SLC25A43: variants seen among roughly 807,000 people sequenced by gnomAD.
SLC25A43 encodes solute carrier family 25 member 43, also known as solute carrier family 25, member 43.
A neutral mutation model predicts 22.8 loss-of-function variants in SLC25A43; 10 were observed. That is an observed-to-expected ratio of 0.44 (90% CI 0.27 to 0.74). SLC25A43 has a LOEUF of 0.74. Ranked by LOEUF, SLC25A43 falls within the 30% of genes least tolerant of loss-of-function variation. The pLI is 0.17. For synonymous variants in SLC25A43, 106 were observed against 121.6 expected, an observed-to-expected ratio of 0.87 and a Z score of 0.84; for missense variants, 233 against 279.1, an observed-to-expected ratio of 0.83 and a Z score of 1.18.
intron 3 of SLC25A43, among the ~76,000 whole-genome samples, chrX:119,414,843 G>C (rs2052385690): frequency 9.2e-6 from 1 of 108,194 alleles, no homozygotes; most frequent in African/African-American, 3.4e-5. Flanking sequence ...GACTTCCCAG[G>C]CTCAGGTGAT....
At position 119,405,595 on chromosome X, in the gene SLC25A43, C is replaced by CAAAAAA. The variant is rs56389948; in HGVS notation, c.276-844_276-839dup. On this transcript the variant is annotated intron_variant, in intron 1 of 4. Transcript: ENST00000217909. Reference sequence around the variant, plus strand: ...CCAACATGGCGAAACCCTATCTCTACAAAAAAAAAAAAAAAAAAAAAAAAA... The same window carrying CAAAAAA: ...CCAACATGGCGAAACCCTATCTCTACAAAAAAAAAAAAAAAAAAAAAAAAAAAAAAA... Among the ~76,000 whole-genome samples the CAAAAAA allele has an allele frequency of 3.1e-4, 16 of 51,164 alleles. 1 individual carries two copies. Among genetic ancestry groups the CAAAAAA allele is most frequent in the Non-Finnish European group, 4.0e-4 (12 of 29,636 alleles). The allele number at this position is 51,164 out of a possible 115,157, so 44.4% of individuals were successfully genotyped here.
intron 3 of SLC25A43, among the ~76,000 whole-genome samples, chrX:119,434,244 G>A (rs2052578725): frequency 9.1e-6 from 1 of 110,149 alleles, no homozygotes; most frequent in African/African-American, 3.3e-5. Context: ...CTGACATGAG[G>A]AAAACTAGAG....
chrX:119,451,808 C>G, intron 3 of SLC25A43: 1 of 1,042,028 alleles, frequency 9.6e-7, no homozygotes, highest in Non-Finnish European at 1.2e-6. Context: ...AATATATGGA[C>G]AGGGTATCAT....
chrX:119,447,263 CTT>C (rs2052675642), intron 3 of SLC25A43, among the ~76,000 whole-genome samples: 1 of 110,892 alleles, frequency 9.0e-6, no homozygotes, highest in African/African-American at 3.3e-5. Flanking sequence ...CCGATTCTCT[CTT>C]GAGTCCATTC....
intron 3 of SLC25A43, among the ~76,000 whole-genome samples, chrX:119,414,276 T>C (rs979044016): frequency 8.9e-6 from 1 of 112,718 alleles, no homozygotes; most frequent in Non-Finnish European, 1.9e-5. Context: ...TTCTATTCAT[T>C]GGTAAGAAGT....
At chrX:119,399,996 A>C (rs1184472542) in intron 1 of SLC25A43, among the ~76,000 whole-genome samples, 1 of 112,592 alleles carries the variant, frequency 8.9e-6, no homozygotes, top group Non-Finnish European at 1.9e-5. Flanking sequence ...GAAAGGAATG[A>C]AAAGCTCTCC....
intron 3 of SLC25A43, among the ~76,000 whole-genome samples, chrX:119,429,029 T>A (rs2052532185): frequency 9.0e-6 from 1 of 110,817 alleles, no homozygotes; most frequent in Non-Finnish European, 1.9e-5. Context: ...TTCCTAGAAT[T>A]TTTGCTTTGG....
intron 3 of SLC25A43, among the ~76,000 whole-genome samples, chrX:119,431,678 A>G (rs1296946370): frequency 8.9e-6 from 1 of 112,075 alleles, no homozygotes; most frequent in South Asian, 3.7e-4. Flanking sequence ...TGATATTGAC[A>G]GGAATTTGAT....
In SLC25A43 at chrX:119,453,827, C is replaced by T. The variant is rs2052723296; in HGVS notation, c.*762C>T. Reference sequence around the variant, plus strand: ...TGAGCCGCTGCACCCTGCCCCAGTACAATCTTTTTTGAACTCAAATTTTTG... The same window carrying T: ...TGAGCCGCTGCACCCTGCCCCAGTATAATCTTTTTTGAACTCAAATTTTTG... On this transcript the variant is annotated 3_prime_UTR_variant, in exon 5 of 5. Transcript: ENST00000217909. The T allele has an allele frequency of 8.9e-6, 1 of 112,437 alleles. No homozygotes were observed. The highest frequency in any genetic ancestry group is 1.9e-5 in the Non-Finnish European group (1 of 53,316). 9.3% of individuals were successfully genotyped at this position (112,437 alleles called of 1,213,427 possible).
At chrX:119,408,935 CCTT>C (rs1172808558) in intron 2 of SLC25A43, among the ~76,000 whole-genome samples, 1 of 110,375 alleles carries the variant, frequency 9.1e-6, no homozygotes, top group African/African-American at 3.3e-5. Flanking sequence ...TAAAATGTTT[CCTT>C]CTCAGCTAGA....
At chrX:119,414,344 T>C (rs1223817180) in intron 3 of SLC25A43, among the ~76,000 whole-genome samples, 1 of 112,189 alleles carries the variant, frequency 8.9e-6, no homozygotes, top group Non-Finnish European at 1.9e-5. Flanking sequence ...TTTCCCAGTT[T>C]GACATTTGGC....
chrX:119,445,646 G>C, intron 3 of SLC25A43, among the ~76,000 whole-genome samples: 1 of 111,996 alleles, frequency 8.9e-6, no homozygotes, highest in Non-Finnish European at 1.9e-5. Flanking sequence ...CTCTAGGTCT[G>C]CCTCTGCTAT....
At position 119,452,959 on chromosome X, in the gene SLC25A43, A is replaced by G; in HGVS notation, c.920A>G (p.Tyr307Cys). 1 of 1,210,854 alleles carries G rather than the reference A, an allele frequency of 8.3e-7. No individual in the cohort carries two copies. Among genetic ancestry groups the G allele is most frequent in the Middle Eastern group, 2.3e-4 (1 of 4,352 alleles). The change falls in exon 5 of 5, where the codon TAT (tyrosine) becomes TGT (cysteine). Residue 307 changes from tyrosine to cysteine, a missense_variant. Coordinates refer to ENST00000217909, the MANE Select transcript of SLC25A43 (RefSeq NM_145305.3). Reference sequence around the variant, plus strand: ...GGTTACATTCTGTCTCCACTGAGCTATAAATTGACCCCAGGAGTCGATCAG... The same window carrying G: ...GGTTACATTCTGTCTCCACTGAGCTGTAAATTGACCCCAGGAGTCGATCAG... ...QNGYILSPLS[Y>C]KLTPGVDQSL...
intron 3 of SLC25A43, among the ~76,000 whole-genome samples, chrX:119,424,713 C>G (rs1569371215): frequency 8.9e-6 from 1 of 112,888 alleles, no homozygotes; most frequent in Non-Finnish European, 1.9e-5. Context: ...ATATCATAAA[C>G]TAGATGGCTT....
chrX:119,441,423 C>G (rs2052621600), intron 3 of SLC25A43, among the ~76,000 whole-genome samples: 1 of 105,346 alleles, frequency 9.5e-6, no homozygotes, highest in Non-Finnish European at 1.9e-5. Context: ...CAGAAATCAC[C>G]GTCTTCTGCG....
chrX:119,410,575 C>T (rs2052340928), intron 3 of SLC25A43, among the ~76,000 whole-genome samples: 1 of 111,950 alleles, frequency 8.9e-6, no homozygotes, highest in South Asian at 3.7e-4. Context: ...CATTCCCATC[C>T]TCTGTTTTTT....
intron 1 of SLC25A43, among the ~76,000 whole-genome samples, chrX:119,401,270 A>G (rs1454423622): frequency 9.0e-6 from 1 of 110,778 alleles, no homozygotes; most frequent in Non-Finnish European, 1.9e-5. Context: ...ATTTGACACT[A>G]ATTTAGTCAG....
At chrX:119,442,912 G>A (rs1375748699) in intron 3 of SLC25A43, among the ~76,000 whole-genome samples, 2 of 111,304 alleles carry the variant, frequency 1.8e-5, no homozygotes, top group Non-Finnish European at 3.8e-5. Context: ...ACCATTCATT[G>A]AGCACCAGTC....
At chrX:119,444,494 G>C in intron 3 of SLC25A43, among the ~76,000 whole-genome samples, 1 of 103,155 alleles carries the variant, frequency 9.7e-6, no homozygotes, top group East Asian at 3.3e-4. Context: ...TCACGAGGTC[G>C]AGAGATCGAG....
Sources: gnomAD v4.1 joint callset for allele counts (sites outside exome capture counted in the v4.1 genomes callset) on GRCh38, gnomAD v4.1.1 for gene constraint, MANE v1.5 for transcripts, NCBI Gene and HGNC (gene_info 2026-07-23, HGNC 2026-07-21) for gene names.